Variants in LRRC7 observed in about 807,000 individuals in gnomAD.
LRRC7 encodes leucine rich repeat containing 7.
In LRRC7, 23 loss-of-function variants were observed where a neutral mutation model predicts 175.7. The observed-to-expected ratio is 0.13, with a 90% CI of 0.09 to 0.19. LRRC7 has a LOEUF of 0.19. Ranked by LOEUF, LRRC7 falls within the 10% of genes least tolerant of loss-of-function variation. The pLI is 1.00. For missense variants in LRRC7, 1,354 were observed against 1,904.7 expected, an observed-to-expected ratio of 0.71 and a Z score of 5.38; for synonymous variants, 685 against 680.9, an observed-to-expected ratio of 1.01 and a Z score of -0.09.
intron 1 of LRRC7, among the ~76,000 whole-genome samples, chr1:69,675,084 A>G (rs1022802888): frequency 1.3e-4 from 20 of 152,152 alleles, no homozygotes; most frequent in African/African-American, 4.8e-4. Flanking sequence ...CCTTTAAGAA[A>G]CAAAAAGAGA....
At chr1:69,753,978 A>G (rs778245798) in intron 2 of LRRC7, among the ~76,000 whole-genome samples, 7 of 152,042 alleles carry the variant, frequency 4.6e-5, no homozygotes, top group Non-Finnish European at 1.0e-4. Flanking sequence ...TGAAGGCTCT[A>G]GTATAGGAGA....
chr1:69,774,482 AAT>A (rs1482792976), intron 3 of LRRC7, among the ~76,000 whole-genome samples: 1 of 152,216 alleles, frequency 6.6e-6, no homozygotes, highest in Non-Finnish European at 1.5e-5. Context: ...GACTATAGGT[AAT>A]AAAACTGTAC....
At position 70,059,181 on chromosome 1, in the gene LRRC7, A is replaced by G. The variant is rs999182810; in HGVS notation, c.4230+6036A>G. ...TCCTTTAGCATCAGTGACTCTTTCC[A>G]CCCTGAGTGTCTGTTCCCTCCCTGA... is the stretch of plus-strand genomic sequence containing the variant. On this transcript the variant is annotated intron_variant, in intron 23 of 26. Coordinates refer to ENST00000651989, the MANE Select transcript of LRRC7 (RefSeq NM_001370785.2). Among the ~76,000 whole-genome samples the G allele has an allele frequency of 3.3e-5, 5 of 152,290 alleles. No individual in the cohort carries two copies. In the East Asian group the frequency reaches 9.7e-4, roughly 29 times the overall value.
chr1:69,596,026 CT>C (rs1646830511), intron 1 of LRRC7, among the ~76,000 whole-genome samples: 1 of 121,730 alleles, frequency 8.2e-6, no homozygotes, highest in South Asian at 2.5e-4. Flanking sequence ...TTAAGTGAAT[CT>C]TTTATGCAAT....
intron 1 of LRRC7, among the ~76,000 whole-genome samples, chr1:69,588,714 A>G (rs1646501040): frequency 6.6e-6 from 1 of 152,172 alleles, no homozygotes; most frequent in Non-Finnish European, 1.5e-5. Flanking sequence ...AGATAAATGA[A>G]TGGAAATATT....
intron 4 of LRRC7, among the ~76,000 whole-genome samples, chr1:69,804,520 G>A (rs1053546475): frequency 6.6e-6 from 1 of 151,456 alleles, no homozygotes; most frequent in Non-Finnish European, 1.5e-5. Flanking sequence ...GAAAAAATAA[G>A]TATATTAACA....
intron 1 of LRRC7, among the ~76,000 whole-genome samples, chr1:69,598,226 C>T (rs1749520): frequency 0.15 from 22,944 of 151,912 alleles, 1,888 homozygotes; most frequent in Admixed American, 0.19. Flanking sequence ...TTACCTATGT[C>T]CCTGAGACTA....
At chr1:69,621,617 T>C (rs1478805484) in intron 1 of LRRC7, among the ~76,000 whole-genome samples, 1 of 152,190 alleles carries the variant, frequency 6.6e-6, no homozygotes, top group East Asian at 1.9e-4. Flanking sequence ...ATTTTTCTAC[T>C]CTCAGAGTGT....
At chr1:69,876,066 G>A (rs1686017686) in intron 7 of LRRC7, among the ~76,000 whole-genome samples, 1 of 152,120 alleles carries the variant, frequency 6.6e-6, no homozygotes, top group African/African-American at 2.4e-5. Flanking sequence ...ATCTCATGAA[G>A]AGAAGCCAGT....
chr1:69,636,444 C>CACAG (rs1553129859), intron 1 of LRRC7, among the ~76,000 whole-genome samples: 3 of 138,224 alleles, frequency 2.2e-5, no homozygotes, highest in Non-Finnish European at 4.8e-5. Context: ...CACACACACA[C>CACAG]AGAGACAGAT....
intron 2 of LRRC7, among the ~76,000 whole-genome samples, chr1:69,719,668 CT>C (rs549735967): frequency 2.0e-5 from 3 of 151,430 alleles, no homozygotes; most frequent in Non-Finnish European, 4.4e-5. Context: ...TGCATTATTT[CT>C]TTTTCTGTCT....
rs1194212534 is a variant in LRRC7, at chr1:69,916,303, C to CTA, written c.648-15191_648-15190dup. Among the ~76,000 whole-genome samples the CTA allele has an allele frequency of 2.5e-4, 32 of 130,552 alleles. No individual in the cohort carries two copies. The South Asian group carries it at 2.6e-3, about 10-fold the overall frequency. 85.6% of individuals were successfully genotyped at this position (130,552 alleles called of 152,430 possible). Reference sequence around the variant, plus strand: ...TATCATATATATTATATATATAAAACTATATATATATATAGTTTTGTTGTT... The same window carrying CTA: ...TATCATATATATTATATATATAAAACTATATATATATATATAGTTTTGTTGTT... On this transcript the variant is annotated intron_variant, in intron 7 of 26. Coordinates refer to ENST00000651989, the MANE Select transcript of LRRC7 (RefSeq NM_001370785.2).
intron 1 of LRRC7, among the ~76,000 whole-genome samples, chr1:69,601,008 G>A (rs1296130132): frequency 9.2e-5 from 14 of 151,778 alleles, no homozygotes; most frequent in Admixed American, 9.2e-4. Flanking sequence ...TAGAGACGGG[G>A]TTTCGCCATG....
chr1:69,614,403 G>C (rs1001100318), intron 1 of LRRC7, among the ~76,000 whole-genome samples: 8 of 151,976 alleles, frequency 5.3e-5, no homozygotes, highest in Non-Finnish European at 7.4e-5. Flanking sequence ...TACAATTAGA[G>C]TACACCCCTG....
At chr1:69,678,341 A>C (rs779103863) in intron 1 of LRRC7, 40 bp from the exon 2 acceptor site, 3 of 1,382,712 alleles carry the variant, frequency 2.2e-6, no homozygotes, top group Non-Finnish European at 3.0e-6. Flanking sequence ...TTTATCCAAA[A>C]AAAAGAGTAT....
chr1:69,917,154 C>G (rs571491672), intron 7 of LRRC7, among the ~76,000 whole-genome samples: 1 of 152,120 alleles, frequency 6.6e-6, no homozygotes, highest in African/African-American at 2.4e-5. Flanking sequence ...AGTTAATATG[C>G]AAATGAGTCT....
At chr1:70,043,638 C>G (rs6690627) in intron 21 of LRRC7, among the ~76,000 whole-genome samples, 3 of 152,060 alleles carry the variant, frequency 2.0e-5, no homozygotes, top group Non-Finnish European at 2.9e-5. Flanking sequence ...CTACCACAGA[C>G]GAATAATACT....
chr1:70,113,464 AGCCTTTGGCTCCAGACTCATT>A (rs1444211110), intron 26 of LRRC7, among the ~76,000 whole-genome samples: 1 of 152,194 alleles, frequency 6.6e-6, no homozygotes. Context: ...CCAAGGTGAA[AGCCTTTGGCTCCAGACTCATT>A]GCCAGAAGCA....
chr1:69,928,533 T>C lies in LRRC7; in HGVS notation c.648-2974T>C, dbSNP rs2421311. On this transcript the variant is annotated intron_variant, in intron 7 of 26. Coordinates refer to ENST00000651989, the MANE Select transcript of LRRC7 (RefSeq NM_001370785.2). ...ATGGTGGGCGCCCCTCCCCCAGCGT[T>C]GCTGCCGCCTTGCAGTTTGATCTCA... 8.2e-3 allele frequency among the ~76,000 whole-genome samples: 1,246 copies of C among 152,324 alleles called. 14 individuals are homozygous for C. Among genetic ancestry groups the C allele is most frequent in the African/African-American group, 0.027 (1,138 of 41,564 alleles).
Sources: allele counts gnomAD v4.1 joint callset (sites outside exome capture counted in the v4.1 genomes callset), GRCh38; gene constraint gnomAD v4.1.1; transcripts MANE v1.5; gene names NCBI Gene and HGNC (gene_info 2026-07-23, HGNC 2026-07-21).